The following TAF12 variants were observed in gnomAD, a reference collection of about 807,000 sequenced individuals.
TAF12 encodes the protein TATA-box binding protein associated factor 12.
In TAF12, 3 loss-of-function variants were observed where a neutral mutation model predicts 20.8. The ratio of observed to expected loss-of-function variants is 0.14; its 90% CI spans 0.07 to 0.37. The LOEUF is 0.37. TAF12 is among the 10% of genes least tolerant of loss of function. The probability of loss-of-function intolerance (pLI) is 1.00; values close to 1 mark genes in which losing one functional copy is unlikely to be tolerated. For missense variants in TAF12, 131 were observed against 197.9 expected, an observed-to-expected ratio of 0.66 and a Z score of 2.03; for synonymous variants, 69 against 70.2, an observed-to-expected ratio of 0.98 and a Z score of 0.09.
At chr1:28,607,445 C>T (rs1212410806) in intron 4 of TAF12, among the ~76,000 whole-genome samples, 1 of 152,024 alleles carries the variant, frequency 6.6e-6, no homozygotes, top group Non-Finnish European at 1.5e-5. Flanking sequence ...CCAAAGTGGG[C>T]GGATCACCTG....
intron 5 of TAF12, 93 bp downstream of exon 5, chr1:28,605,279 G>A (rs1666628475): frequency 2.2e-6 from 3 of 1,341,890 alleles, no homozygotes; most frequent in Non-Finnish European, 3.2e-6. Flanking sequence ...TGGAGGAAGC[G>A]AGGCCCCCTA....
chr1:28,621,917 A>T lies in TAF12; in HGVS notation c.165T>A (p.Asn55Lys). ...AGAAAGAGTAAGAGGATGATACCTGATTGTTTTCAGGGCTAAGACGACCTC... is the reference window on the plus strand; with the variant it reads ...AGAAAGAGTAAGAGGATGATACCTGTTTGTTTTCAGGGCTAAGACGACCTC... ...GAGGRLSPEN[N>K]QVLTKKKLQD... Residue 55 changes from asparagine to lysine, a missense_variant, in exon 2 of 6, where the codon AAT becomes AAA. Asn to Lys is a moderately conservative substitution (Grantham distance 94). This residue lies in a region of TAF12 where 63 missense variants were observed against 72.1 expected (regional missense o/e 0.87). Coordinates refer to ENST00000373824, the MANE Select transcript of TAF12 (RefSeq NM_005644.4). 6.2e-7 allele frequency: 1 copy of T among 1,613,230 alleles called. No individual in the cohort carries two copies. Among genetic ancestry groups the T allele is most frequent in the Non-Finnish European group, 8.5e-7 (1 of 1,179,752 alleles).
intron 1 of TAF12, among the ~76,000 whole-genome samples, chr1:28,626,727 G>A (rs1208689606): frequency 1.3e-5 from 2 of 151,828 alleles, no homozygotes; most frequent in African/African-American, 4.8e-5. Flanking sequence ...TGGCCACCAT[G>A]GTGAAACCCC....
At chr1:28,644,977 G>T (rs1266307161), upstream of TAF12, among the ~76,000 whole-genome samples, 4 of 152,170 alleles carry the variant, frequency 2.6e-5, no homozygotes, top group African/African-American at 9.6e-5. Context: ...GTTCACTACA[G>T]CCTCAAACTC....
Position 28,603,445 on chromosome 1 carries a change from G to C in TAF12, c.*94C>G. ...TAAAAAATATATGCTTCTCTGTAAA[G>C]CATTAAAAAAAAAAATCCAAGGATG... On this transcript the variant is annotated 3_prime_UTR_variant, in exon 6 of 6. Transcript: ENST00000373824. 1 of 1,302,876 alleles carries C rather than the reference G, an allele frequency of 7.7e-7. No individual in the cohort carries two copies. Among genetic ancestry groups the C allele is most frequent in the Non-Finnish European group, 1.1e-6 (1 of 905,044 alleles). 80.7% of individuals were successfully genotyped at this position (1,302,876 alleles called of 1,614,324 possible).
At chr1:28,645,954 TGA>T (rs1458986739), upstream of TAF12, 3 of 132,658 alleles carry the variant, frequency 2.3e-5, no homozygotes, top group Admixed American at 2.3e-4. Flanking sequence ...GGCAACAGAG[TGA>T]GACTGTCTGG....
intron 2 of TAF12, among the ~76,000 whole-genome samples, chr1:28,621,486 C>G: frequency 6.6e-6 from 1 of 152,190 alleles, no homozygotes; most frequent in East Asian, 1.9e-4. Flanking sequence ...TATTTAACAA[C>G]TACATGGTTA....
chr1:28,607,864 C>T (rs984068705), intron 4 of TAF12, among the ~76,000 whole-genome samples: 11 of 150,984 alleles, frequency 7.3e-5, no homozygotes, highest in Non-Finnish European at 1.2e-4. Flanking sequence ...GGGCCAGGCA[C>T]GATGATTCAC....
At chr1:28,638,456 T>C (rs1489767001) in intron 1 of TAF12, among the ~76,000 whole-genome samples, 1 of 149,866 alleles carries the variant, frequency 6.7e-6, no homozygotes, top group African/African-American at 2.5e-5. Context: ...CCCAAAGTGC[T>C]GGGATTACAG....
At chr1:28,625,394 A>C (rs1667347213) in intron 1 of TAF12, among the ~76,000 whole-genome samples, 1 of 152,038 alleles carries the variant, frequency 6.6e-6, no homozygotes, top group Non-Finnish European at 1.5e-5. Flanking sequence ...TTTTTGAGAC[A>C]AGGTCTCATT....
intron 4 of TAF12, among the ~76,000 whole-genome samples, chr1:28,607,701 G>A (rs1044890031): frequency 2.0e-5 from 3 of 151,838 alleles, no homozygotes; most frequent in African/African-American, 7.3e-5. Flanking sequence ...TTAGCTGTAT[G>A]TGGTGGTGTG....
chr1:28,626,188 A>T (rs1484708050), intron 1 of TAF12, among the ~76,000 whole-genome samples: 1 of 151,176 alleles, frequency 6.6e-6, no homozygotes, highest in African/African-American at 2.4e-5. Context: ...CATGTTAGTC[A>T]GGCTAGTCTC....
chr1:28,638,892 C>T (rs936858073), intron 1 of TAF12, among the ~76,000 whole-genome samples: 24 of 148,430 alleles, frequency 1.6e-4, no homozygotes, highest in African/African-American at 5.7e-4. Context: ...CCCGGGTTCA[C>T]GCCATTCTCC....
At chr1:28,624,081 T>C in intron 1 of TAF12, 1 of 874,954 alleles carries the variant, frequency 1.1e-6, no homozygotes, top group Non-Finnish European at 1.4e-6. Context: ...GGAACCATTT[T>C]AGTTGAATGG....
exon 1 of TAF12, chr1:28,648,216 G>A: frequency 1.0e-6 from 1 of 985,312 alleles, no homozygotes; most frequent in Non-Finnish European, 1.2e-6. Flanking sequence ...GCCGCTGAGA[G>A]CCGGTATTCC....
At chr1:28,635,062 A>C in intron 1 of TAF12, among the ~76,000 whole-genome samples, 1 of 144,874 alleles carries the variant, frequency 6.9e-6, no homozygotes, top group East Asian at 2.1e-4. Flanking sequence ...ACCTCTACTA[A>C]AAAAAAAAAT....
At chr1:28,614,544 A>G (rs997935588) in intron 3 of TAF12, among the ~76,000 whole-genome samples, 3 of 151,624 alleles carry the variant, frequency 2.0e-5, no homozygotes, top group Non-Finnish European at 2.9e-5. Flanking sequence ...TTAGCTGGGC[A>G]TGGTGGCAGG....
intron 3 of TAF12, among the ~76,000 whole-genome samples, chr1:28,615,606 G>C (rs1180136860): frequency 1.3e-5 from 2 of 148,700 alleles, no homozygotes; most frequent in Non-Finnish European, 3.0e-5. Context: ...TTGAACCCGG[G>C]AGGTGGAGGT....
intron 1 of TAF12, among the ~76,000 whole-genome samples, chr1:28,629,812 A>AT (rs890666167): frequency 2.0e-5 from 3 of 151,220 alleles, no homozygotes; most frequent in East Asian, 3.9e-4. Context: ...TAATTTTTCT[A>AT]TTTTTTTTTA....
Sources: gnomAD v4.1 joint callset for allele counts (sites outside exome capture counted in the v4.1 genomes callset) on GRCh38, gnomAD v4.1.1 for gene constraint, gnomAD v4.1.1 regional missense constraint, MANE v1.5 for transcripts, NCBI Gene and HGNC (gene_info 2026-07-23, HGNC 2026-07-21) for gene names.